ALKBH1: variants seen among roughly 807,000 people sequenced by gnomAD.
ALKBH1 encodes the protein alkB homolog 1, histone H2A dioxygenase.
Under a neutral mutation model 36.6 loss-of-function variants are expected in ALKBH1, and 31 were observed. The observed-to-expected ratio is 0.85, with a 90% CI of 0.64 to 1.14. The LOEUF is 1.14. Among genes scored for constraint, ALKBH1 ranks in the 50% most tolerant of loss-of-function variants. The pLI is 0.00. For synonymous variants in ALKBH1, 183 were observed against 186.6 expected, an observed-to-expected ratio of 0.98 and a Z score of 0.16; for missense variants, 490 against 497.3, an observed-to-expected ratio of 0.99 and a Z score of 0.14.
At chr14:77,680,677 C>CTCTCTTTTTT (rs774703181) in intron 3 of ALKBH1, among the ~76,000 whole-genome samples, 13 of 124,344 alleles carry the variant, frequency 1.0e-4, no homozygotes, top group South Asian at 5.1e-4. Context: ...ATTAACTACT[C>CTCTCTTTTTT]TTTTTTTTTT....
intron 2 of ALKBH1, among the ~76,000 whole-genome samples, chr14:77,696,042 A>T (rs1167640751): frequency 6.6e-6 from 1 of 152,160 alleles, no homozygotes; most frequent in African/African-American, 2.4e-5. Flanking sequence ...TAGTGAGCCA[A>T]GATCACGTCA....
Position 77,674,250 on chromosome 14 carries a change from A to T in ALKBH1, c.741-9T>A, listed in dbSNP as rs367644939. 9.1e-6 allele frequency: 14 copies of T among 1,543,070 alleles called. No individual in the cohort carries two copies. Among genetic ancestry groups the T allele is most frequent in the East Asian group, 2.3e-5 (1 of 44,082 alleles). ...TGGCGGACTGTCCAAAGCTACAAAAAATAAGTAAAAACACACAACAATAAA... is the reference window on the plus strand; with the variant it reads ...TGGCGGACTGTCCAAAGCTACAAAATATAAGTAAAAACACACAACAATAAA... On this transcript the variant is annotated splice_polypyrimidine_tract_variant and intron_variant, in intron 5 of 5. Coordinates refer to ENST00000216489, the MANE Select transcript of ALKBH1 (RefSeq NM_006020.3).
intron 2 of ALKBH1, among the ~76,000 whole-genome samples, chr14:77,695,685 G>C (rs191778499): frequency 1.2e-3 from 158 of 133,590 alleles, no homozygotes; most frequent in Admixed American, 4.1e-3. Context: ...CTCAGTGTTT[G>C]CAAATTCCTG....
intron 4 of ALKBH1, among the ~76,000 whole-genome samples, chr14:77,678,410 C>T (rs1176229673): frequency 3.3e-5 from 5 of 152,076 alleles, no homozygotes; most frequent in Admixed American, 3.3e-4. Flanking sequence ...GTTGGGTTGG[C>T]TGAAACTGTG....
chr14:77,680,968 A>G (rs550477610), intron 3 of ALKBH1, among the ~76,000 whole-genome samples: 52 of 152,084 alleles, frequency 3.4e-4, no homozygotes, highest in African/African-American at 1.1e-3. Flanking sequence ...GAGCCACCAC[A>G]ACTGGCCCAC....
intron 3 of ALKBH1, among the ~76,000 whole-genome samples, chr14:77,689,989 T>TA: frequency 1.3e-5 from 2 of 151,752 alleles, no homozygotes; most frequent in Middle Eastern, 6.8e-3. Context: ...ACACCATCTC[T>TA]AAAAAAAAGT....
chr14:77,689,071 C>A (rs2080284260), intron 3 of ALKBH1, among the ~76,000 whole-genome samples: 1 of 152,216 alleles, frequency 6.6e-6, no homozygotes, highest in African/African-American at 2.4e-5. Flanking sequence ...CTAGTCTCAT[C>A]TCCAAGCATT....
intron 3 of ALKBH1, chr14:77,683,606 C>A (rs958179165): frequency 2.6e-6 from 1 of 389,350 alleles, no homozygotes; most frequent in Admixed American, 3.6e-5. Context: ...CAGTCTTGCT[C>A]TGTCACCTAG....
chr14:77,701,071 T>TA (rs1444035014), intron 2 of ALKBH1, among the ~76,000 whole-genome samples: 1 of 152,040 alleles, frequency 6.6e-6, no homozygotes, highest in Non-Finnish European at 1.5e-5. Context: ...CCCCACTGGG[T>TA]GACAGAATGA....
At chr14:77,700,577 C>T (rs2080353829) in intron 2 of ALKBH1, among the ~76,000 whole-genome samples, 1 of 152,110 alleles carries the variant, frequency 6.6e-6, no homozygotes. Flanking sequence ...ATGATAGGAT[C>T]ATCAATATTA....
At chr14:77,707,220 A>G (rs1436926872) in intron 1 of ALKBH1, among the ~76,000 whole-genome samples, 1 of 152,240 alleles carries the variant, frequency 6.6e-6, no homozygotes, top group Non-Finnish European at 1.5e-5. Context: ...GCGGGATTAC[A>G]GGCTTGAGCC....
chr14:77,684,815 C>T (rs891932508), intron 3 of ALKBH1, among the ~76,000 whole-genome samples: 2 of 152,114 alleles, frequency 1.3e-5, no homozygotes, highest in Non-Finnish European at 2.9e-5. Context: ...CCCAAAGTAT[C>T]GGTACTACAG....
chr14:77,693,513 A>G (rs894111701), intron 3 of ALKBH1, among the ~76,000 whole-genome samples: 13 of 152,242 alleles, frequency 8.5e-5, no homozygotes, highest in African/African-American at 3.1e-4. Flanking sequence ...TAAACGTAAG[A>G]AAGTACACAT....
intron 3 of ALKBH1, among the ~76,000 whole-genome samples, chr14:77,685,940 A>G (rs2139850645): frequency 6.6e-6 from 1 of 152,322 alleles, no homozygotes; most frequent in African/African-American, 2.4e-5. Flanking sequence ...GGGCAATGAC[A>G]TATATATTTT....
chr14:77,688,818 C>G (rs778899156), intron 3 of ALKBH1, among the ~76,000 whole-genome samples: 13 of 152,212 alleles, frequency 8.5e-5, no homozygotes, highest in Middle Eastern at 6.8e-3. Context: ...GTGATCCCCC[C>G]ACCTTGACCT....
intron 3 of ALKBH1, among the ~76,000 whole-genome samples, chr14:77,691,132 T>G (rs961648543): frequency 6.6e-6 from 1 of 152,178 alleles, no homozygotes; most frequent in Non-Finnish European, 1.5e-5. Flanking sequence ...TTTACAACAA[T>G]CTCTAGCTAC....
At chr14:77,684,181 A>C (rs2080254859) in intron 3 of ALKBH1, among the ~76,000 whole-genome samples, 1 of 152,156 alleles carries the variant, frequency 6.6e-6, no homozygotes, top group African/African-American at 2.4e-5. Flanking sequence ...CCAGGCCTAT[A>C]AATTCTTATT....
chr14:77,675,988 CT>C (rs1333122400), intron 4 of ALKBH1, 139 bp from the exon 5 acceptor site: 10 of 697,644 alleles, frequency 1.4e-5, no homozygotes, highest in Non-Finnish European at 2.0e-5. Context: ...TCTATCCATT[CT>C]TTTCTTTTCT....
intron 1 of ALKBH1, among the ~76,000 whole-genome samples, chr14:77,706,610 G>A (rs543915536): frequency 2.0e-5 from 3 of 152,238 alleles, no homozygotes; most frequent in South Asian, 4.2e-4. Flanking sequence ...ACTTAGTACT[G>A]TTTTAGGTCC....
Sources: allele counts gnomAD v4.1 joint callset (sites outside exome capture counted in the v4.1 genomes callset), GRCh38; gene constraint gnomAD v4.1.1; transcripts MANE v1.5; gene names NCBI Gene and HGNC (gene_info 2026-07-23, HGNC 2026-07-21).